Variants in SUGP1 observed in about 807,000 individuals in gnomAD.
SUGP1 encodes the protein SURP and G-patch domain-containing protein 1.
Under a neutral mutation model 76.5 loss-of-function variants are expected in SUGP1, and 34 were observed. The ratio of observed to expected loss-of-function variants is 0.44; its 90% CI spans 0.34 to 0.59. The LOEUF (loss-of-function observed/expected upper bound fraction) is 0.59, where lower values mean the gene tolerates loss of function less well. Among genes scored for constraint, SUGP1 ranks in the 20% least tolerant of loss-of-function variants. The pLI, the probability that SUGP1 is intolerant of heterozygous loss-of-function variation, is 0.01. For missense variants in SUGP1, 752 were observed against 851.7 expected (o/e 0.88, Z 1.46); for synonymous variants, 326 against 326.2 (o/e 1.00, Z 0.01).
At position 19,305,922 on chromosome 19, in the gene SUGP1, C is replaced by T. The variant is rs577199542; in HGVS notation, c.465G>A (p.Ala155=). The T allele has an allele frequency of 1.4e-5, 22 of 1,613,474 alleles. No homozygotes were observed. The South Asian group carries it at 1.4e-4, about 10-fold the overall frequency. ...SYSHAKQLPV[A]HRPSVFQSPD... ...GGGACTGGAAGACACTCGGGCGGTG[C>T]GCCACGGGCAGCTGCTTGGCGTGGG... is the stretch of plus-strand genomic sequence containing the variant. Residue 155 remains alanine, a synonymous_variant, in exon 4 of 14, where the codon GCG becomes GCA. Coordinates refer to ENST00000247001, the MANE Select transcript of SUGP1 (RefSeq NM_172231.4).
At chr19:19,311,509 C>T (rs1320693167) in intron 2 of SUGP1, among the ~76,000 whole-genome samples, 2 of 151,760 alleles carry the variant, frequency 1.3e-5, no homozygotes, top group Admixed American at 6.6e-5. Context: ...GGGCGGATCA[C>T]GAGGTCAGGA....
chr19:19,304,852 G>A (rs1381667155), intron 4 of SUGP1, among the ~76,000 whole-genome samples: 44 of 152,128 alleles, frequency 2.9e-4, no homozygotes, highest in Admixed American at 2.9e-3. Context: ...GTGAGGTCCC[G>A]AGAGCATTCC....
chr19:19,315,067 C>G (rs2061383065), intron 2 of SUGP1, among the ~76,000 whole-genome samples: 1 of 152,186 alleles, frequency 6.6e-6, no homozygotes, highest in East Asian at 1.9e-4. Context: ...TGCAGTGGCT[C>G]ACACCTGTAA....
chr19:19,290,436 G>A (rs112116399), intron 8 of SUGP1, among the ~76,000 whole-genome samples: 5,593 of 152,276 alleles, frequency 0.037, 144 homozygotes, highest in Middle Eastern at 0.085. Flanking sequence ...CTGAGGCCAG[G>A]AGTGCGAGAC....
At position 19,277,097 on chromosome 19, in the gene SUGP1, G is replaced by C. The variant is rs373855507; in HGVS notation, c.1782-21C>G. The stretch of plus-strand genomic sequence containing the variant: ...TGCCCCTACAGGGAGAAGAGGATGT[G>C]AGCAGGGACCTGGGGCCAGAACTCT... On this transcript the variant is annotated intron_variant, in intron 12 of 13. Coordinates refer to ENST00000247001, the MANE Select transcript of SUGP1 (RefSeq NM_172231.4). 52 of 1,601,090 alleles carry C rather than the reference G, an allele frequency of 3.2e-5. No individual in the cohort carries two copies. The African/African-American group carries it at 5.5e-4, about 17-fold the overall frequency.
chr19:19,290,977 C>T (rs541229453), intron 8 of SUGP1, among the ~76,000 whole-genome samples: 4 of 151,898 alleles, frequency 2.6e-5, no homozygotes, highest in African/African-American at 9.7e-5. Flanking sequence ...ATTAGCTGGG[C>T]GTGGGGGCGC....
intron 8 of SUGP1, among the ~76,000 whole-genome samples, chr19:19,281,949 T>C (rs1320563669): frequency 6.6e-6 from 1 of 152,066 alleles, no homozygotes; most frequent in African/African-American, 2.4e-5. Context: ...ACTGTGGTAA[T>C]TATTGTGCTT....
In SUGP1 at chr19:19,303,368, G is replaced by T; in HGVS notation, c.743C>A (p.Ser248Ter). The T allele has an allele frequency of 6.2e-7, 1 of 1,614,082 alleles. No homozygotes were observed. The highest frequency in any genetic ancestry group is 1.1e-5 in the South Asian group (1 of 91,052). ...VAEIRKEAQKSQAASQKVSPP... is the reference protein window; with the variant it reads ...VAEIRKEAQK ...CCTACCTTTCTGAGAGGCTGCCTGCGACTTCTGTGCTTCCTTTCTTATCTC... is the reference window on the plus strand; with the variant it reads ...CCTACCTTTCTGAGAGGCTGCCTGCTACTTCTGTGCTTCCTTTCTTATCTC... Residue 248 changes from serine (S) to a stop codon, truncating the protein, a stop_gained, in exon 6 of 14, where the codon TCG (serine) becomes TAG (stop). Transcript: ENST00000247001. LOFTEE classifies it high-confidence loss of function.
At chr19:19,308,115 G>A (rs775597576) in intron 3 of SUGP1, among the ~76,000 whole-genome samples, 13 of 151,936 alleles carry the variant, frequency 8.6e-5, no homozygotes, top group African/African-American at 2.9e-4. Context: ...TGCTACCTCC[G>A]CCTCCCAGGC....
intron 8 of SUGP1, among the ~76,000 whole-genome samples, chr19:19,283,254 G>C (rs1198903767): frequency 6.6e-6 from 1 of 152,054 alleles, no homozygotes; most frequent in Non-Finnish European, 1.5e-5. Context: ...GTAAACAAAT[G>C]TAAAGATGGT....
At chr19:19,315,455 G>C (rs183497538) in intron 2 of SUGP1, among the ~76,000 whole-genome samples, 2 of 152,152 alleles carry the variant, frequency 1.3e-5, no homozygotes, top group African/African-American at 4.8e-5. Context: ...TGAAAAGCTT[G>C]GATCTGGTCA....
intron 5 of SUGP1, 32 bp from the exon 6 acceptor site, chr19:19,303,480 G>A (rs767292710): frequency 6.3e-7 from 1 of 1,579,754 alleles, no homozygotes; most frequent in Admixed American, 1.7e-5. Flanking sequence ...GAAGAGAGGG[G>A]AAAATAAGTA....
chr19:19,280,641 C>T (rs530812322), intron 8 of SUGP1: 82 of 262,788 alleles, frequency 3.1e-4, no homozygotes, highest in African/African-American at 1.5e-3. Context: ...AGAGCTGAGA[C>T]GGCATGTGGG....
intron 9 of SUGP1, 73 bp from the exon 10 acceptor site, chr19:19,279,463 C>T (rs2061080770): frequency 1.4e-6 from 2 of 1,474,160 alleles, no homozygotes; most frequent in Non-Finnish European, 1.8e-6. Context: ...TGCTCCCCGC[C>T]TCCAGTGCTG....
intron 2 of SUGP1, among the ~76,000 whole-genome samples, chr19:19,311,337 A>G (rs903104338): frequency 6.9e-6 from 1 of 144,934 alleles, no homozygotes; most frequent in East Asian, 2.1e-4. Context: ...TAAAACATAT[A>G]CTTTGCAAAA....
Position 19,305,875 on chromosome 19 carries a change from T to C in SUGP1, c.512A>G (p.Asp171Gly), listed in dbSNP as rs2061313381. ...FQSPDEDEEEDYEQWLEIKVS... is the reference protein window; with the variant it reads ...FQSPDEDEEEGYEQWLEIKVS... ...TTTGATCTCCAGCCACTGCTCATAG[T>C]CCTCCTCCTCGTCCTCGTCAGGGGA... The change falls in exon 4 of 14, where the codon GAC (aspartate) becomes GGC (glycine). Residue 171 changes from aspartate (D) to glycine (G), a missense_variant. By Grantham distance (94) the Asp-to-Gly change is moderately conservative. Around this residue, in one of 2 missense-constraint regions of SUGP1, gnomAD observed 620 missense variants for 617.3 expected, o/e 1.00. Coordinates refer to ENST00000247001, the MANE Select transcript of SUGP1 (RefSeq NM_172231.4). 2 of 1,612,072 alleles carry C rather than the reference T, an allele frequency of 1.2e-6. No individual in the cohort carries two copies. The highest frequency in any genetic ancestry group is 1.7e-6 in the Non-Finnish European group (2 of 1,178,878).
chr19:19,319,367 G>A (rs2061420341), intron 1 of SUGP1, among the ~76,000 whole-genome samples: 1 of 151,974 alleles, frequency 6.6e-6, no homozygotes, highest in Non-Finnish European at 1.5e-5. Context: ...CCTCTGTGTG[G>A]AAGGCTCCAC....
chr19:19,304,256 C>T (rs771920240), intron 4 of SUGP1, among the ~76,000 whole-genome samples: 3 of 152,116 alleles, frequency 2.0e-5, no homozygotes, highest in Non-Finnish European at 2.9e-5. Flanking sequence ...TTTAAACACA[C>T]TGGGTGGGTT....
At chr19:19,292,815 T>C (rs1473453218) in intron 8 of SUGP1, among the ~76,000 whole-genome samples, 2 of 152,204 alleles carry the variant, frequency 1.3e-5, no homozygotes, top group East Asian at 1.9e-4. Flanking sequence ...ATCCCCGCAA[T>C]GCAAGGATGG....
Sources: gnomAD v4.1 joint callset for allele counts (sites outside exome capture counted in the v4.1 genomes callset) on GRCh38, gnomAD v4.1.1 for gene constraint, gnomAD v4.1.1 regional missense constraint, MANE v1.5 for transcripts, NCBI Gene and HGNC (gene_info 2026-07-23, HGNC 2026-07-21) for gene names.